The following CFLAR variants were observed in gnomAD, a reference collection of about 807,000 sequenced individuals.
The protein encoded by CFLAR is CASP8 and FADD like apoptosis regulator.
Under a neutral mutation model 51.1 loss-of-function variants are expected in CFLAR, and 14 were observed. The ratio of observed to expected loss-of-function variants is 0.27; its 90% CI spans 0.18 to 0.43. The LOEUF is 0.43. Among genes scored for constraint, CFLAR ranks in the 20% least tolerant of loss-of-function variants. CFLAR has a pLI of 1.00. For synonymous variants in CFLAR, 210 were observed against 211.6 expected (o/e 0.99, Z 0.06); for missense variants, 390 against 566.5 (o/e 0.69, Z 3.16).
rs561278636 is a variant in CFLAR at position 201,149,916 on chromosome 2, A to G, written c.793+81A>G. 903 of 1,050,332 alleles carry G rather than the reference A, an allele frequency of 8.6e-4. 1 individual carries two copies. Among genetic ancestry groups the G allele is most frequent in the Admixed American group, 1.1e-3 (62 of 57,460 alleles). The allele number at this position is 1,050,332 out of a possible 1,614,324, so 65.1% of individuals were successfully genotyped here. On this transcript the variant is annotated intron_variant, in intron 8 of 9. Transcript: ENST00000309955. ...GCAAGCTGTATTCATTGGAGTGATC[A>G]GCACCAACTGCCGTGACAAACCAGT...
intron 2 of CFLAR, among the ~76,000 whole-genome samples, chr2:201,131,477 C>T (rs949408226): frequency 6.6e-6 from 1 of 152,204 alleles, no homozygotes; most frequent in African/African-American, 2.4e-5. Context: ...CTCAAGTGAT[C>T]TGCCCTCCTT....
chr2:201,159,652 A>G (rs1038264760), intron 8 of CFLAR, among the ~76,000 whole-genome samples: 2 of 152,272 alleles, frequency 1.3e-5, no homozygotes, highest in African/African-American at 4.8e-5. Context: ...AGCAAAGGAG[A>G]AAAGTAAGAA....
At chr2:201,140,332 C>A in intron 4 of CFLAR, 25 bp from the exon 5 acceptor site, 1 of 1,586,498 alleles carries the variant, frequency 6.3e-7, no homozygotes, top group Non-Finnish European at 8.6e-7. Context: ...AGTTTTAACT[C>A]AGTACCTCCC....
intron 2 of CFLAR, among the ~76,000 whole-genome samples, chr2:201,132,426 GA>G (rs561568592): frequency 1.3e-4 from 18 of 137,974 alleles, no homozygotes; most frequent in East Asian, 7.9e-4. Context: ...CCTAGGGGGG[GA>G]AAAATATATA....
chr2:201,121,126 G>T (rs1417765707), intron 1 of CFLAR, among the ~76,000 whole-genome samples: 1 of 152,142 alleles, frequency 6.6e-6, no homozygotes, highest in Non-Finnish European at 1.5e-5. Context: ...CCATAGTTCA[G>T]ATTTTATACT....
Position 201,138,328 on chromosome 2 carries a change from C to T in CFLAR, c.524-2029C>T. 1 of 771,408 alleles carries T rather than the reference C, an allele frequency of 1.3e-6. No individual in the cohort carries two copies. Among genetic ancestry groups the T allele is most frequent in the Middle Eastern group, 3.5e-4 (1 of 2,880 alleles). 47.8% of individuals were successfully genotyped at this position (771,408 alleles called of 1,614,324 possible). On this transcript the variant is annotated intron_variant, in intron 4 of 9. Coordinates refer to ENST00000309955, the MANE Select transcript of CFLAR (RefSeq NM_003879.7). This position sits in a 1 kb window ranked among gnomAD's most constrained non-coding sequence, Gnocchi z 4.0. ...CATGGGTACCCACAGCTGCCCCGCC[C>T]AGCAGCTGCTCATGGGAATCCTTGG... is the stretch of plus-strand genomic sequence containing the variant.
Position 201,136,530 on chromosome 2 carries a change from A to T in CFLAR, c.523+423A>T. 9.8e-6 allele frequency: 15 copies of T among 1,523,160 alleles called. No homozygotes were observed. The South Asian group carries it at 1.8e-4, about 19-fold the overall frequency. 94.4% of individuals were successfully genotyped at this position (1,523,160 alleles called of 1,614,324 possible). ...TCCTTGCATGTGTCCCAAGTTTCAC[A>T]AAACCTCCTTATGGAAAAGAGCACA... On this transcript the variant is annotated intron_variant, in intron 4 of 9. Coordinates refer to ENST00000309955, the MANE Select transcript of CFLAR (RefSeq NM_003879.7).
At chr2:201,125,281 T>C (rs143411526) in intron 1 of CFLAR, among the ~76,000 whole-genome samples, 2 of 152,054 alleles carry the variant, frequency 1.3e-5, no homozygotes, top group Admixed American at 1.3e-4. Context: ...GAGAAGTGAA[T>C]TGTGGTTGAA....
rs973539619 is a variant in CFLAR, at chr2:201,128,790, A to G, written c.-137-939A>G. Among the ~76,000 whole-genome samples, 3 of 152,374 alleles carry G rather than the reference A, an allele frequency of 2.0e-5. No homozygotes were observed. The East Asian group carries it at 5.8e-4, about 29-fold the overall frequency. ...TAAAGAACACAAGAGGTGATTTAAC[A>G]TAAGTTTTAGCTGTGAAACTTAGAG... On this transcript the variant is annotated intron_variant, in intron 1 of 9. Coordinates refer to ENST00000309955, the MANE Select transcript of CFLAR (RefSeq NM_003879.7).
At chr2:201,119,319 T>G (rs2047934747) in intron 1 of CFLAR, 1 of 152,034 alleles carries the variant, frequency 6.6e-6, no homozygotes, top group Non-Finnish European at 1.5e-5. Flanking sequence ...CACAATGTGG[T>G]TGAGGAAGAC....
rs1281314196 is a variant in CFLAR, at chr2:201,173,107, C to T, written c.*9134C>T. 1 of 152,238 alleles carries T rather than the reference C, an allele frequency of 6.6e-6. No individual in the cohort carries two copies. Among genetic ancestry groups the T allele is most frequent in the Non-Finnish European group, 1.5e-5 (1 of 68,072 alleles). 9.4% of individuals were successfully genotyped at this position (152,238 alleles called of 1,614,324 possible). On this transcript the variant is annotated 3_prime_UTR_variant, in exon 10 of 10. Transcript: ENST00000309955. ...AGTGCAGTGGCGTTATCTTGATTCA[C>T]TGTAACCTCTGCCTTCTGGGTTCAA...
intron 2 of CFLAR, among the ~76,000 whole-genome samples, chr2:201,130,518 T>C (rs185075407): frequency 6.6e-6 from 1 of 151,988 alleles, no homozygotes; most frequent in Non-Finnish European, 1.5e-5. Context: ...TGCGCCACCA[T>C]GCCTGGCTAA....
Position 201,149,023 on chromosome 2 carries a change from A to T in CFLAR, c.682A>T (p.Ile228Phe). Reference sequence around the variant, plus strand: ...CCCAGAAGAACCAGTGAAGAAATCCATTCAGGAATCAGAAGCTTTTTTGCC... The same window carrying T: ...CCCAGAAGAACCAGTGAAGAAATCCTTTCAGGAATCAGAAGCTTTTTTGCC... ...GAQQEPVKKS[I>F]QESEAFLPQS... Residue 228 changes from isoleucine to phenylalanine, a missense_variant, in exon 7 of 10, where the codon ATT becomes TTT. Ile to Phe is a conservative substitution (Grantham distance 21, BLOSUM62 0). Transcript: ENST00000309955. 1.2e-6 allele frequency: 2 copies of T among 1,612,806 alleles called. No homozygotes were observed. The highest frequency in any genetic ancestry group is 1.7e-6 in the Non-Finnish European group (2 of 1,178,772).
Position 201,140,546 on chromosome 2 carries a change from T to C in CFLAR, c.606+107T>C. 5.0e-6 allele frequency: 4 copies of C among 806,312 alleles called. No homozygotes were observed. In the East Asian group the frequency reaches 1.2e-4, roughly 24 times the overall value. 49.9% of individuals were successfully genotyped at this position (806,312 alleles called of 1,614,324 possible). A position where few individuals can be genotyped will look rare whatever the true frequency, so the allele number is the denominator to read the frequency against. On this transcript the variant is annotated intron_variant, in intron 5 of 9. Transcript: ENST00000309955. Reference sequence around the variant, plus strand: ...GTACTTTATTTAATATCTGAAAAAATTGTGATAGAAATGTGTATTTGTTTT... The same window carrying C: ...GTACTTTATTTAATATCTGAAAAAACTGTGATAGAAATGTGTATTTGTTTT...
intron 6 of CFLAR, 53 bp downstream of exon 6, chr2:201,145,485 G>A: frequency 1.8e-6 from 2 of 1,127,172 alleles, no homozygotes; most frequent in South Asian, 1.3e-5. Context: ...GATAATTCTA[G>A]TACAAATATT....
At chr2:201,127,332 G>C (rs1199481085) in intron 1 of CFLAR, among the ~76,000 whole-genome samples, 1 of 152,194 alleles carries the variant, frequency 6.6e-6, no homozygotes, top group Non-Finnish European at 1.5e-5. Flanking sequence ...GTTGGTAACT[G>C]ATGGGCACAA....
chr2:201,119,467 G>A (rs541788657), intron 1 of CFLAR, among the ~76,000 whole-genome samples: 45 of 152,270 alleles, frequency 3.0e-4, no homozygotes, highest in African/African-American at 1.1e-3. Context: ...TTGTTTGTTT[G>A]TTTTGTCTTT....
At position 201,153,401 on chromosome 2, in the gene CFLAR, C is replaced by CTCTTCAT. The variant is rs1417458682; in HGVS notation, c.793+3568_793+3574dup. ...TCACACCATCTCCCTAGGCCTCCAGCTCTTCATTTCCCTCCTCCTCTCCTG... is the reference window on the plus strand; with the variant it reads ...TCACACCATCTCCCTAGGCCTCCAGCTCTTCATTCTTCATTTCCCTCCTCCTCTCCTG... On this transcript the variant is annotated intron_variant, in intron 8 of 9. Transcript: ENST00000309955. The CTCTTCAT allele has an allele frequency of 2.6e-5, 4 of 152,438 alleles. No homozygotes were observed. In the East Asian group the frequency reaches 7.7e-4, roughly 29 times the overall value. The allele number at this position is 152,438 out of a possible 1,614,324, so 9.4% of individuals were successfully genotyped here. A position where few individuals can be genotyped will look rare whatever the true frequency, so the allele number is the denominator to read the frequency against.
At chr2:201,148,832 T>G (rs1575818171) in intron 6 of CFLAR, 171 bp from the exon 7 acceptor site, 1 of 551,876 alleles carries the variant, frequency 1.8e-6, no homozygotes, top group East Asian at 3.0e-5. Context: ...CTTATGTCAC[T>G]TTCTTCAGTG....
Sources: gnomAD v4.1 joint callset for allele counts (sites outside exome capture counted in the v4.1 genomes callset) on GRCh38, gnomAD v4.1.1 for gene constraint, Gnocchi (gnomAD v3.1) non-coding constraint, MANE v1.5 for transcripts, NCBI Gene and HGNC (gene_info 2026-07-23, HGNC 2026-07-21) for gene names.